The following ACACA variants were observed in gnomAD, a reference collection of about 807,000 sequenced individuals.
ACACA encodes the protein acetyl-CoA carboxylase alpha, also known as acetyl-CoA carboxylase 1.
In ACACA, 103 loss-of-function variants were observed where a neutral mutation model predicts 296.1. That is an observed-to-expected ratio of 0.35 (90% CI 0.30 to 0.41). ACACA has a LOEUF of 0.41. Among genes scored for constraint, ACACA ranks in the 10% least tolerant of loss-of-function variants. ACACA has a pLI of 1.00. For missense variants in ACACA, 1,554 were observed against 2,989.7 expected (o/e 0.52, Z 11.20); for synonymous variants, 953 against 1,038.6 (o/e 0.92, Z 1.58).
Position 37,338,097 on chromosome 17 carries a change from A to AAAAATAAAAT in ACACA, c.85+1697_85+1706dup, listed in dbSNP as rs376387915. ...GGGCAACAGAGTGAGACTCCGTCTC[A>AAAAATAAAAT]AAAATAAAATAAAATAAAATAAAAT... On this transcript the variant is annotated intron_variant, in intron 2 of 55. Coordinates refer to ENST00000616317, the MANE Select transcript of ACACA (RefSeq NM_198834.3). 6.7e-3 allele frequency among the ~76,000 whole-genome samples: 1,004 copies of AAAAATAAAAT among 149,050 alleles called. 12 individuals carry two copies. The highest frequency in any genetic ancestry group is 0.023 in the African/African-American group (917 of 39,494).
chr17:37,260,296 ATTTTTTTTTTTTTT>A (rs1165828702), intron 11 of ACACA, among the ~76,000 whole-genome samples: 1 of 18,978 alleles, frequency 5.3e-5, no homozygotes, highest in African/African-American at 2.0e-4. Flanking sequence ...ATATATATAT[ATTTTTTTTTTTTTT>A]TTTTTTGGAG....
At chr17:37,286,671 G>A (rs901491331) in intron 3 of ACACA, among the ~76,000 whole-genome samples, 1 of 152,178 alleles carries the variant, frequency 6.6e-6, no homozygotes. Flanking sequence ...GGTACCAGCA[G>A]CAGTGGGTTG....
At chr17:37,372,609 C>T (rs1412348708) in intron 1 of ACACA, among the ~76,000 whole-genome samples, 1 of 152,062 alleles carries the variant, frequency 6.6e-6, no homozygotes, top group African/African-American at 2.4e-5. Context: ...CTGTCAAGTG[C>T]TCCTTCTGCA....
At position 37,097,188 on chromosome 17, in the gene ACACA, C is replaced by T. The variant is rs145844210; in HGVS notation, c.6721-22G>A. 1.5e-4 allele frequency: 249 copies of T among 1,610,784 alleles called. 1 individual carries two copies. In the African/African-American group the frequency reaches 2.7e-3, roughly 17 times the overall value. On this transcript the variant is annotated intron_variant, in intron 53 of 55. Coordinates refer to ENST00000616317, the MANE Select transcript of ACACA (RefSeq NM_198834.3). This position sits in a 1 kb window ranked among gnomAD's most constrained non-coding sequence, Gnocchi z 4.8. ...TATCCTACATGCAGAGAAGAATAAA[C>T]TTAGCCCAGTCCTAATTCCTGCTTA...
intron 16 of ACACA, 123 bp from the exon 17 acceptor site, chr17:37,248,797 A>C: frequency 1.5e-6 from 1 of 673,194 alleles, no homozygotes; most frequent in Non-Finnish European, 2.7e-6. Flanking sequence ...AAATACCTAA[A>C]TGATCGTTTG....
intron 16 of ACACA, 54 bp from the exon 17 acceptor site, chr17:37,248,728 A>C: frequency 1.6e-6 from 2 of 1,249,084 alleles, no homozygotes; most frequent in Non-Finnish European, 1.2e-6. Context: ...GTTATAAGAG[A>C]ATCTAAAACA....
chr17:37,187,216 T>C (rs1010969845), intron 39 of ACACA, among the ~76,000 whole-genome samples: 1 of 152,216 alleles, frequency 6.6e-6, no homozygotes, highest in Non-Finnish European at 1.5e-5. Context: ...TCACTAGGAA[T>C]CAAAGCACAA....
In ACACA at chr17:37,259,311, G is replaced by C. The variant is rs774960695; in HGVS notation, c.1500+49C>G. ...ACACACTGGTTAAACCCATTTTTCA[G>C]GCCTCTCTGACTTTTCTAGGCTCTG... On this transcript the variant is annotated intron_variant, in intron 12 of 55. Coordinates refer to ENST00000616317, the MANE Select transcript of ACACA (RefSeq NM_198834.3). The C allele has an allele frequency of 8.7e-6, 14 of 1,608,752 alleles. No homozygotes were observed. The East Asian group carries it at 2.9e-4, about 33-fold the overall frequency.
At chr17:37,103,160 A>G (rs1371531841) in intron 52 of ACACA, among the ~76,000 whole-genome samples, 3 of 152,252 alleles carry the variant, frequency 2.0e-5, no homozygotes, top group African/African-American at 4.8e-5. Flanking sequence ...CTCCTTGTAC[A>G]GCAAAGCAGC....
chr17:37,390,322 A>ATC (rs1555672346), intron 1 of ACACA, among the ~76,000 whole-genome samples: 3 of 38,062 alleles, frequency 7.9e-5, no homozygotes, highest in African/African-American at 3.5e-4. Flanking sequence ...ATATATATAT[A>ATC]TATATATATA....
intron 1 of ACACA, among the ~76,000 whole-genome samples, chr17:37,381,908 T>C (rs1018186049): frequency 9.2e-5 from 14 of 152,124 alleles, no homozygotes; most frequent in East Asian, 5.8e-4. Flanking sequence ...ATTACAGGCG[T>C]GAGCCACTGC....
intron 35 of ACACA, among the ~76,000 whole-genome samples, chr17:37,195,624 T>C (rs969501041): frequency 2.6e-5 from 4 of 152,066 alleles, no homozygotes; most frequent in African/African-American, 4.8e-5. Context: ...CTCTGTGCAA[T>C]GGAAAAGTGG....
intron 43 of ACACA, among the ~76,000 whole-genome samples, chr17:37,152,084 C>T (rs183426474): frequency 7.8e-4 from 118 of 152,176 alleles, no homozygotes; most frequent in Middle Eastern, 6.8e-3. Context: ...TGTGAGCCAC[C>T]GCGCCCGGCC....
At chr17:37,389,252 T>C (rs746238628) in intron 1 of ACACA, 8 of 1,585,116 alleles carry the variant, frequency 5.0e-6, no homozygotes, top group Non-Finnish European at 6.9e-6. Context: ...TCAGTATCAA[T>C]GCCTAGGAGC....
intron 3 of ACACA, among the ~76,000 whole-genome samples, chr17:37,319,316 A>AT (rs147646125): frequency 6.6e-5 from 10 of 152,046 alleles, no homozygotes; most frequent in Admixed American, 3.9e-4. Flanking sequence ...TAGAAAGTGA[A>AT]TTTTTTTGAC....
chr17:37,262,709 T>G (rs2081569918), intron 11 of ACACA, among the ~76,000 whole-genome samples: 1 of 152,154 alleles, frequency 6.6e-6, no homozygotes, highest in Admixed American at 6.6e-5. Context: ...TTACACCTTG[T>G]TTAAGCCACC....
chr17:37,097,098 G>A lies in ACACA; in HGVS notation c.6789C>T (p.Asp2263=), dbSNP rs1196893816. 2.5e-6 allele frequency: 4 copies of A among 1,614,070 alleles called. No individual in the cohort carries two copies. Among genetic ancestry groups the A allele is most frequent in the Non-Finnish European group, 3.4e-6 (4 of 1,180,022 alleles). ...YWRLRRLLLE[D]LVKKKIHNAN... is the part of the protein sequence containing the mutation. The stretch of plus-strand genomic sequence containing the variant: ...CATTGTGGATTTTCTTCTTGACCAG[G>A]TCCTCCAGCAGAAGACGCCTCAGCC... The change falls in exon 54 of 56, where the codon GAC becomes GAT. Residue 2263 remains aspartate, a synonymous_variant. Transcript: ENST00000616317. The surrounding 1 kb of genome is among the most constrained non-coding windows in gnomAD (Gnocchi z 4.8).
intron 33 of ACACA, among the ~76,000 whole-genome samples, chr17:37,203,394 G>T (rs369957780): frequency 6.6e-6 from 1 of 152,064 alleles, no homozygotes; most frequent in Non-Finnish European, 1.5e-5. Flanking sequence ...AACCTAGGAA[G>T]AAACTTTCAC....
intron 2 of ACACA, among the ~76,000 whole-genome samples, chr17:37,337,550 C>T (rs1291004143): frequency 6.6e-6 from 1 of 152,052 alleles, no homozygotes; most frequent in African/African-American, 2.4e-5. Context: ...AACTCCTGGG[C>T]TCAAGCAATC....
Sources: gnomAD v4.1 joint callset for allele counts (sites outside exome capture counted in the v4.1 genomes callset) on GRCh38, gnomAD v4.1.1 for gene constraint, Gnocchi (gnomAD v3.1) non-coding constraint, MANE v1.5 for transcripts, NCBI Gene and HGNC (gene_info 2026-07-23, HGNC 2026-07-21) for gene names.